The following DLG1 variants were observed in gnomAD, a reference collection of about 807,000 sequenced individuals.
The protein encoded by DLG1 is disks large homolog 1.
Under a neutral mutation model 123.4 loss-of-function variants are expected in DLG1, and 42 were observed. That is an observed-to-expected ratio of 0.34 (90% confidence interval 0.27 to 0.44). DLG1 has a LOEUF of 0.44. DLG1 is among the 20% of genes least tolerant of loss of function. DLG1 has a pLI of 1.00. For missense variants in DLG1, 942 were observed against 1,082.6 expected, an observed-to-expected ratio of 0.87 and a Z score of 1.82; for synonymous variants, 317 against 356.2, an observed-to-expected ratio of 0.89 and a Z score of 1.24.
intron 10 of DLG1, chr3:197,136,240 T>G (rs1369811594): frequency 8.8e-6 from 2 of 226,152 alleles, no homozygotes; most frequent in Non-Finnish European, 1.7e-5. Context: ...AAAAGGGTCA[T>G]GCATAAACAA....
intron 4 of DLG1, among the ~76,000 whole-genome samples, chr3:197,239,245 G>A (rs1339165345): frequency 6.6e-6 from 1 of 151,786 alleles, no homozygotes; most frequent in Non-Finnish European, 1.5e-5. Flanking sequence ...AAAACTCCTA[G>A]AAACACAAAA....
intron 4 of DLG1, among the ~76,000 whole-genome samples, chr3:197,271,887 T>C (rs557803134): frequency 3.2e-4 from 48 of 152,332 alleles, no homozygotes; most frequent in African/African-American, 1.1e-3. Flanking sequence ...CAATCTTGTC[T>C]GTGAGAAAGA....
chr3:197,199,050 A>G (rs1351086263), intron 4 of DLG1, among the ~76,000 whole-genome samples: 1 of 152,192 alleles, frequency 6.6e-6, no homozygotes, highest in African/African-American at 2.4e-5. Flanking sequence ...TTTACACTAT[A>G]TGAGTACCTT....
At chr3:197,154,536 G>A (rs1344126393) in intron 5 of DLG1, among the ~76,000 whole-genome samples, 7 of 152,020 alleles carry the variant, frequency 4.6e-5, no homozygotes, top group African/African-American at 1.4e-4. Context: ...TTAGCCGGGC[G>A]TGGCGGCAGG....
chr3:197,084,316 G>T (rs1286236086), intron 16 of DLG1, among the ~76,000 whole-genome samples: 2 of 143,036 alleles, frequency 1.4e-5, no homozygotes, highest in African/African-American at 5.1e-5. Context: ...ACTTTTTGTT[G>T]TTTTTTTTTT....
intron 4 of DLG1, among the ~76,000 whole-genome samples, chr3:197,267,873 T>C (rs1762360751): frequency 6.6e-6 from 1 of 152,188 alleles, no homozygotes; most frequent in Non-Finnish European, 1.5e-5. Context: ...AATGGAATCT[T>C]TGAACATATT....
At chr3:197,221,239 C>T (rs545428037) in intron 4 of DLG1, among the ~76,000 whole-genome samples, 2 of 152,254 alleles carry the variant, frequency 1.3e-5, no homozygotes, top group African/African-American at 4.8e-5. Flanking sequence ...TAACAGGGAC[C>T]GGGCGTGGTG....
chr3:197,067,722 T>TA (rs1490871621), intron 19 of DLG1, among the ~76,000 whole-genome samples: 1 of 152,074 alleles, frequency 6.6e-6, no homozygotes, highest in Admixed American at 6.5e-5. Context: ...CATGCCCAGC[T>TA]AATTTTGTAT....
At chr3:197,292,302 T>C (rs1335085466) in intron 3 of DLG1, among the ~76,000 whole-genome samples, 1 of 152,200 alleles carries the variant, frequency 6.6e-6, no homozygotes, top group Non-Finnish European at 1.5e-5. Context: ...AAGAAAATCC[T>C]GTCAACAACT....
Position 197,142,717 on chromosome 3 carries a change from C to A in DLG1, c.588+1G>T. 1 of 1,601,816 alleles carries A rather than the reference C, an allele frequency of 6.2e-7. No individual in the cohort carries two copies. Among genetic ancestry groups the A allele is most frequent in the South Asian group, 1.1e-5 (1 of 88,028 alleles). On this transcript the variant is annotated splice_donor_variant, in intron 7 of 24. Coordinates refer to ENST00000667157, the MANE Select transcript of DLG1 (RefSeq NM_001366207.1). LOFTEE classifies it high-confidence loss of function. ...CAACAGATTAAGATAATAGTTTTTACCCTTTCAAGTGTGATTTCTTCATAT... is the reference window on the plus strand; with the variant it reads ...CAACAGATTAAGATAATAGTTTTTAACCTTTCAAGTGTGATTTCTTCATAT...
In DLG1 at chr3:197,155,261, G is replaced by A. The variant is rs532881768; in HGVS notation, c.484-5465C>T. On this transcript the variant is annotated intron_variant, in intron 5 of 24. Coordinates refer to ENST00000667157, the MANE Select transcript of DLG1 (RefSeq NM_001366207.1). ...CAGACACTCTGGAGGTCATATGGCA[G>A]TGGGTGGAAATACTCACTGCTAAAA... 4.6e-5 allele frequency among the ~76,000 whole-genome samples: 7 copies of A among 152,294 alleles called. No individual in the cohort carries two copies. The South Asian group carries it at 1.5e-3, about 32-fold the overall frequency.
At chr3:197,102,568 G>A (rs1239282775) in intron 14 of DLG1, among the ~76,000 whole-genome samples, 1 of 152,220 alleles carries the variant, frequency 6.6e-6, no homozygotes, top group African/African-American at 2.4e-5. Flanking sequence ...TTGTATGAAT[G>A]TGAGGCTACT....
intron 23 of DLG1, among the ~76,000 whole-genome samples, chr3:197,057,701 T>C: frequency 6.6e-6 from 1 of 152,212 alleles, no homozygotes; most frequent in Non-Finnish European, 1.5e-5. Flanking sequence ...AGATTCTCTT[T>C]TGTGATGTGT....
chr3:197,197,578 T>A (rs1376531935), intron 4 of DLG1, among the ~76,000 whole-genome samples: 1 of 152,240 alleles, frequency 6.6e-6, no homozygotes, highest in Non-Finnish European at 1.5e-5. Flanking sequence ...TAGGTTTCTA[T>A]ACAGCATTCA....
intron 4 of DLG1, among the ~76,000 whole-genome samples, chr3:197,207,685 C>A (rs1729296628): frequency 6.6e-6 from 1 of 151,860 alleles, no homozygotes; most frequent in South Asian, 2.1e-4. Context: ...ATTAGTGAAA[C>A]AAAGATGAAA....
chr3:197,160,498 C>T (rs759594027), intron 5 of DLG1, among the ~76,000 whole-genome samples: 1 of 151,776 alleles, frequency 6.6e-6, no homozygotes, highest in African/African-American at 2.4e-5. Flanking sequence ...TTTTTTCCTG[C>T]AATATAGAGA....
rs144280029 is a variant in DLG1, at chr3:197,080,254, A to C, written c.1905+797T>G. 8.9e-4 allele frequency among the ~76,000 whole-genome samples: 129 copies of C among 144,858 alleles called. 1 individual carries two copies. Among genetic ancestry groups the C allele is most frequent in the African/African-American group, 3.1e-3 (122 of 39,208 alleles). ...CACTTCTAAAATATATGATGAAAGA[A>C]TTGATATATTTCCTTTTTTTTTTTT... is the stretch of plus-strand genomic sequence containing the variant. On this transcript the variant is annotated intron_variant, in intron 17 of 24. Transcript: ENST00000667157.
At chr3:197,141,302 A>G (rs1787832191) in intron 7 of DLG1, among the ~76,000 whole-genome samples, 1 of 152,232 alleles carries the variant, frequency 6.6e-6, no homozygotes, top group South Asian at 2.1e-4. Context: ...TTCTTCAACC[A>G]GTGAAAAATA....
intron 4 of DLG1, among the ~76,000 whole-genome samples, chr3:197,275,219 C>A (rs1460287967): frequency 6.6e-6 from 1 of 151,572 alleles, no homozygotes; most frequent in Non-Finnish European, 1.5e-5. Flanking sequence ...TATTCTCTTA[C>A]CCCACTTAAT....
Sources: gnomAD v4.1 joint callset for allele counts (sites outside exome capture counted in the v4.1 genomes callset) on GRCh38, gnomAD v4.1.1 for gene constraint, MANE v1.5 for transcripts, NCBI Gene and HGNC (gene_info 2026-07-23, HGNC 2026-07-21) for gene names.